VWA8: variants seen among roughly 807,000 people sequenced by gnomAD.
VWA8 encodes von Willebrand factor A domain containing 8, also known as von Willebrand factor A domain-containing protein 8.
VWA8 carries 221 observed loss-of-function variants against 241.5 expected under a neutral mutation model. The observed-to-expected ratio is 0.91, with a 90% CI of 0.82 to 1.02. The LOEUF (loss-of-function observed/expected upper bound fraction) is 1.02. Ranked by LOEUF, VWA8 falls within the 50% of genes least tolerant of loss-of-function variation. The pLI is 0.00. For missense variants in VWA8, 2,322 were observed against 2,328.7 expected (o/e 1.00, Z 0.06); for synonymous variants, 852 against 827.1 (o/e 1.03, Z -0.52).
chr13:41,773,289 G>C lies in VWA8; in HGVS notation c.2349+4696C>G, dbSNP rs80163671. Among the ~76,000 whole-genome samples the C allele has an allele frequency of 8.5e-5, 13 of 152,262 alleles. No homozygotes were observed. The East Asian group carries it at 2.5e-3, about 29-fold the overall frequency. On this transcript the variant is annotated intron_variant, in intron 20 of 44. Transcript: ENST00000379310. ...TTATTTGCCTGTCTTGATCTTCTTT[G>C]ATTGTCTTGTTTCAGAAGATGGAAA...
At chr13:41,839,031 C>T (rs1871871953) in intron 12 of VWA8, among the ~76,000 whole-genome samples, 1 of 152,108 alleles carries the variant, frequency 6.6e-6, no homozygotes, top group African/African-American at 2.4e-5. Context: ...ATTGCTGGGT[C>T]AAATGGTATT....
intron 39 of VWA8, among the ~76,000 whole-genome samples, chr13:41,609,972 C>T (rs1288174924): frequency 6.6e-6 from 1 of 152,192 alleles, no homozygotes; most frequent in South Asian, 2.1e-4. Flanking sequence ...GAGAACCACA[C>T]TCCTTACTCC....
chr13:41,798,358 TAAG>T (rs1277921574), intron 17 of VWA8, among the ~76,000 whole-genome samples: 1 of 152,198 alleles, frequency 6.6e-6, no homozygotes, highest in East Asian at 1.9e-4. Flanking sequence ...AGTAGTTCTT[TAAG>T]TAGTGCTGAA....
intron 26 of VWA8, among the ~76,000 whole-genome samples, chr13:41,711,472 A>T (rs1566424498): frequency 6.6e-6 from 1 of 152,204 alleles, no homozygotes; most frequent in Non-Finnish European, 1.5e-5. Flanking sequence ...CTTAATAGCA[A>T]CTTACAGGTA....
chr13:41,869,631 CAAAAAAAAAAAAAAA>C (rs532296102), intron 9 of VWA8, among the ~76,000 whole-genome samples: 2 of 40,270 alleles, frequency 5.0e-5, no homozygotes, highest in Non-Finnish European at 8.3e-5. Flanking sequence ...AACTTTGTCT[CAAAAAAAAAAAAAAA>C]AAAAAAAAAA....
chr13:41,835,188 C>T (rs747600567), intron 12 of VWA8, among the ~76,000 whole-genome samples: 3 of 152,120 alleles, frequency 2.0e-5, no homozygotes, highest in African/African-American at 2.4e-5. Flanking sequence ...CCATGGCACA[C>T]GTTTACCCAT....
chr13:41,713,446 G>A (rs942961161), intron 26 of VWA8, among the ~76,000 whole-genome samples: 27 of 152,176 alleles, frequency 1.8e-4, no homozygotes, highest in African/African-American at 6.0e-4. Flanking sequence ...GTCTTAGAAC[G>A]TGTTAATTCA....
rs67056755 is a variant in VWA8 at position 41,709,771 on chromosome 13, CT to C, written c.3117-6361del. ...TCACTCTGTCTCTCTGTCTCTCTCT[CT>C]TTTTTTTTTTTTTTTAAGAAACAGG... On this transcript the variant is annotated intron_variant, in intron 26 of 44. Transcript: ENST00000379310. Among the ~76,000 whole-genome samples, 624 of 143,802 alleles carry C rather than the reference CT, an allele frequency of 4.3e-3. 1 individual carries two copies. Among genetic ancestry groups the C allele is most frequent in the African/African-American group, 8.4e-3 (327 of 39,018 alleles). The allele number at this position is 143,802 out of a possible 152,430, so 94.3% of individuals were successfully genotyped here.
intron 9 of VWA8, among the ~76,000 whole-genome samples, chr13:41,877,340 A>C (rs2138065952): frequency 6.6e-6 from 1 of 151,984 alleles, no homozygotes; most frequent in Admixed American, 6.6e-5. Context: ...TTCTTATTTC[A>C]CTGGCCTACT....
At chr13:41,603,164 T>A (rs940177723) in intron 40 of VWA8, among the ~76,000 whole-genome samples, 15 of 152,294 alleles carry the variant, frequency 9.8e-5, no homozygotes, top group African/African-American at 3.6e-4. Context: ...ATGCATTTAA[T>A]CTTACTTGTT....
At position 41,721,358 on chromosome 13, in the gene VWA8, T is replaced by C; in HGVS notation, c.2964+12A>G. Reference sequence around the variant, plus strand: ...GTGATGGCTCTTAGGTACAGGTGTGTGCCATACCTACCTGTAAATGTTTGA... The same window carrying C: ...GTGATGGCTCTTAGGTACAGGTGTGCGCCATACCTACCTGTAAATGTTTGA... On this transcript the variant is annotated intron_variant, in intron 25 of 44. Coordinates refer to ENST00000379310, the MANE Select transcript of VWA8 (RefSeq NM_015058.2). 6.2e-7 allele frequency: 1 copy of C among 1,613,138 alleles called. No individual in the cohort carries two copies. The highest frequency in any genetic ancestry group is 8.5e-7 in the Non-Finnish European group (1 of 1,179,356).
At chr13:41,625,441 CAGA>C (rs2044683375) in intron 37 of VWA8, among the ~76,000 whole-genome samples, 1 of 152,202 alleles carries the variant, frequency 6.6e-6, no homozygotes, top group Admixed American at 6.5e-5. Context: ...AGACACTTCT[CAGA>C]AGAAGACATT....
intron 40 of VWA8, among the ~76,000 whole-genome samples, chr13:41,598,692 G>A (rs1460179156): frequency 6.6e-6 from 1 of 152,060 alleles, no homozygotes; most frequent in East Asian, 1.9e-4. Context: ...TGGGTCACAA[G>A]AATTGTCTCT....
At chr13:41,590,523 C>G in intron 41 of VWA8, 117 bp downstream of exon 41, 1 of 861,712 alleles carries the variant, frequency 1.2e-6, no homozygotes, top group Non-Finnish European at 1.6e-6. Flanking sequence ...TAACATAATG[C>G]TTTCCTTGGT....
chr13:41,903,642 T>A (rs1401179515), intron 4 of VWA8, among the ~76,000 whole-genome samples: 1 of 151,874 alleles, frequency 6.6e-6, no homozygotes, highest in East Asian at 1.9e-4. Flanking sequence ...AAACACCAAG[T>A]ACAAAGGAAG....
chr13:41,623,212 G>A (rs113150194), intron 37 of VWA8, among the ~76,000 whole-genome samples: 2,124 of 152,146 alleles, frequency 0.014, 34 homozygotes, highest in Non-Finnish European at 0.02. Context: ...TCCTGCCTTG[G>A]GACACAGTTG....
chr13:41,571,870 T>A (rs1473430331), intron 43 of VWA8, among the ~76,000 whole-genome samples: 1 of 151,530 alleles, frequency 6.6e-6, no homozygotes, highest in South Asian at 2.1e-4. Context: ...GAGGGGCGCC[T>A]CTTCCCGGCC....
rs569472274 is a variant in VWA8, at chr13:41,829,969, A to G, written c.1700+560T>C. 3.5e-4 allele frequency among the ~76,000 whole-genome samples: 53 copies of G among 152,310 alleles called. No homozygotes were observed. The South Asian group carries it at 5.4e-3, about 15-fold the overall frequency. ...TTAAAAAAATCACTGTCGGCCGGGC[A>G]CAGTGGCTCACGCCTGTAATCCCAG... On this transcript the variant is annotated intron_variant, in intron 14 of 44. Transcript: ENST00000379310.
chr13:41,937,011 A>G (rs1474822297), intron 2 of VWA8, among the ~76,000 whole-genome samples: 1 of 152,142 alleles, frequency 6.6e-6, no homozygotes, highest in African/African-American at 2.4e-5. Flanking sequence ...TACCTTTTCA[A>G]TGTTTCAATA....
Sources: gnomAD v4.1 joint callset for allele counts (sites outside exome capture counted in the v4.1 genomes callset) on GRCh38, gnomAD v4.1.1 for gene constraint, MANE v1.5 for transcripts, NCBI Gene and HGNC (gene_info 2026-07-23, HGNC 2026-07-21) for gene names.